Variants in BBX observed in about 807,000 individuals in gnomAD.
BBX encodes the protein HMG box transcription factor BBX.
In BBX, 30 loss-of-function variants were observed where a neutral mutation model predicts 100.2. That is an observed-to-expected ratio of 0.30 (90% confidence interval 0.22 to 0.41). The LOEUF (loss-of-function observed/expected upper bound fraction) is 0.41. Among genes scored for constraint, BBX ranks in the 10% least tolerant of loss-of-function variants. BBX has a pLI of 1.00. For missense variants in BBX, 1,023 were observed against 1,129.8 expected, an observed-to-expected ratio of 0.91 and a Z score of 1.35; for synonymous variants, 376 against 388.1, an observed-to-expected ratio of 0.97 and a Z score of 0.37.
chr3:107,648,193 A>G (rs941560459), intron 3 of BBX, among the ~76,000 whole-genome samples: 3 of 152,142 alleles, frequency 2.0e-5, no homozygotes, highest in Non-Finnish European at 4.4e-5. Context: ...AAATTGTTTG[A>G]CCATGAATCC....
chr3:107,541,876 C>T (rs73202930), intron 2 of BBX, among the ~76,000 whole-genome samples: 17,868 of 151,256 alleles, frequency 0.12, 1,398 homozygotes, highest in Middle Eastern at 0.19. Flanking sequence ...TAGAGTGCAT[C>T]GGTGTGATTA....
At chr3:107,802,793 G>T (rs1334502857) in intron 17 of BBX, among the ~76,000 whole-genome samples, 1 of 152,120 alleles carries the variant, frequency 6.6e-6, no homozygotes, top group Non-Finnish European at 1.5e-5. Context: ...TCCCTACCCT[G>T]CAGTTAGGTG....
chr3:107,673,215 A>G (rs191651497), intron 3 of BBX, among the ~76,000 whole-genome samples: 1 of 152,244 alleles, frequency 6.6e-6, no homozygotes, highest in East Asian at 1.9e-4. Context: ...TTGATAATAA[A>G]GAAAAGAGAA....
At chr3:107,706,705 A>G (rs1405933256) in intron 3 of BBX, among the ~76,000 whole-genome samples, 1 of 152,218 alleles carries the variant, frequency 6.6e-6, no homozygotes, top group Non-Finnish European at 1.5e-5. Flanking sequence ...CTCTTGTTCT[A>G]AGACCAAGAA....
chr3:107,805,299 T>C (rs1336090168), intron 17 of BBX, 71 bp from the exon 18 acceptor site: 2 of 1,449,466 alleles, frequency 1.4e-6, no homozygotes, highest in Non-Finnish European at 1.9e-6. Flanking sequence ...ACACACTTGT[T>C]ATTCATCGTC....
intron 16 of BBX, among the ~76,000 whole-genome samples, chr3:107,800,264 G>A (rs2070292525): frequency 6.6e-6 from 1 of 152,126 alleles, no homozygotes; most frequent in South Asian, 2.1e-4. Flanking sequence ...TCTGAGTTCT[G>A]TTCTGTGACT....
chr3:107,789,799 C>G lies in BBX; in HGVS notation c.2216C>G (p.Ser739Cys). The G allele has an allele frequency of 6.5e-7, 1 of 1,539,418 alleles. No individual in the cohort carries two copies. The highest frequency in any genetic ancestry group is 8.8e-7 in the Non-Finnish European group (1 of 1,136,680). Reference sequence around the variant, plus strand: ...ATATTGTCTGTAGGTCCTTTCCAGTCTCAGAAAAAGAACTTATTCCACAAA... The same window carrying G: ...ATATTGTCTGTAGGTCCTTTCCAGTGTCAGAAAAAGAACTTATTCCACAAA... ...PTKTSKGPFQ[S>C]QKKNLFHKIV... The change falls in exon 14 of 18, where the codon TCT becomes TGT. Residue 739 changes from serine to cysteine, a missense_variant. Ser to Cys is a moderately radical substitution (Grantham distance 112). Transcript: ENST00000325805.
intron 4 of BBX, among the ~76,000 whole-genome samples, chr3:107,712,479 G>C (rs529361138): frequency 1.3e-5 from 2 of 152,016 alleles, no homozygotes; most frequent in Non-Finnish European, 2.9e-5. Context: ...CCATTTGTCC[G>C]ACCTGAGACC....
chr3:107,651,153 A>G (rs532879575), intron 3 of BBX, among the ~76,000 whole-genome samples: 3 of 152,202 alleles, frequency 2.0e-5, no homozygotes, highest in Non-Finnish European at 4.4e-5. Context: ...GCGGGACACA[A>G]TTTCATCTAT....
At chr3:107,567,635 T>G (rs1454645508) in intron 2 of BBX, among the ~76,000 whole-genome samples, 1 of 152,198 alleles carries the variant, frequency 6.6e-6, no homozygotes, top group African/African-American at 2.4e-5. Flanking sequence ...TCATTTTGTT[T>G]TAGGTGTATC....
At chr3:107,748,513 A>G (rs1161304865) in intron 9 of BBX, among the ~76,000 whole-genome samples, 1 of 152,200 alleles carries the variant, frequency 6.6e-6, no homozygotes, top group African/African-American at 2.4e-5. Context: ...TTTTATTAGT[A>G]TTTAATCCCA....
At chr3:107,785,206 A>G (rs2068287535) in intron 13 of BBX, among the ~76,000 whole-genome samples, 1 of 151,192 alleles carries the variant, frequency 6.6e-6, no homozygotes, top group Admixed American at 6.6e-5. Context: ...CCAGGCCCAG[A>G]TGGCATCACC....
intron 2 of BBX, among the ~76,000 whole-genome samples, chr3:107,609,696 T>G (rs887213478): frequency 6.6e-5 from 10 of 152,140 alleles, no homozygotes; most frequent in African/African-American, 2.4e-4. Context: ...CCTCTAGTGA[T>G]TCTTTGAATT....
chr3:107,590,689 G>A (rs918490387), intron 2 of BBX, among the ~76,000 whole-genome samples: 1 of 152,138 alleles, frequency 6.6e-6, no homozygotes, highest in African/African-American at 2.4e-5. Flanking sequence ...TTACTTTAAA[G>A]TTTGAGTACC....
chr3:107,654,672 T>C (rs529875679), intron 3 of BBX, among the ~76,000 whole-genome samples: 1 of 152,208 alleles, frequency 6.6e-6, no homozygotes, highest in African/African-American at 2.4e-5. Flanking sequence ...TTAAAAAATA[T>C]GTTTTTGTTT....
chr3:107,777,398 G>A (rs928886997), intron 12 of BBX, among the ~76,000 whole-genome samples: 7 of 152,050 alleles, frequency 4.6e-5, no homozygotes, highest in African/African-American at 1.4e-4. Flanking sequence ...ACATTTTTAG[G>A]ACACCCCTTA....
intron 4 of BBX, among the ~76,000 whole-genome samples, chr3:107,713,503 A>G (rs567315992): frequency 2.0e-5 from 3 of 152,316 alleles, no homozygotes; most frequent in Admixed American, 6.5e-5. Context: ...GGGGAAAGAA[A>G]AATAAGTTCT....
chr3:107,721,069 C>G (rs1378867227), intron 5 of BBX, among the ~76,000 whole-genome samples: 1 of 152,070 alleles, frequency 6.6e-6, no homozygotes. Context: ...TGAGAAACAG[C>G]TGCTATACCT....
At chr3:107,714,763 A>G (rs1331912049) in intron 4 of BBX, among the ~76,000 whole-genome samples, 1 of 151,960 alleles carries the variant, frequency 6.6e-6, no homozygotes, top group Non-Finnish European at 1.5e-5. Context: ...TGGTTAATTG[A>G]TTGCATTTGA....
Sources: allele counts gnomAD v4.1 joint callset (sites outside exome capture counted in the v4.1 genomes callset), GRCh38; gene constraint gnomAD v4.1.1; transcripts MANE v1.5; gene names NCBI Gene and HGNC (gene_info 2026-07-23, HGNC 2026-07-21).